Variants in RPH3A observed in about 807,000 individuals in gnomAD.
The protein encoded by RPH3A is rabphilin 3A, also known as rabphilin-3A.
Under a neutral mutation model 102.2 loss-of-function variants are expected in RPH3A, and 48 were observed. The observed-to-expected ratio is 0.47, with a 90% CI of 0.37 to 0.60. RPH3A has a LOEUF of 0.60. Among genes scored for constraint, RPH3A ranks in the 20% least tolerant of loss-of-function variants. The probability of loss-of-function intolerance (pLI) is 0.00; values close to 1 mark genes in which losing one functional copy is unlikely to be tolerated. For missense variants in RPH3A, 781 were observed against 910.1 expected, an observed-to-expected ratio of 0.86 and a Z score of 1.83; for synonymous variants, 310 against 324.3, an observed-to-expected ratio of 0.96 and a Z score of 0.47.
chr12:112,666,850 G>A (rs2040086258), intron 1 of RPH3A, among the ~76,000 whole-genome samples: 1 of 152,172 alleles, frequency 6.6e-6, no homozygotes, highest in African/African-American at 2.4e-5. Flanking sequence ...GTTACCATAT[G>A]TTCAAATGGG....
At chr12:112,846,453 C>T (rs2042229910) in intron 4 of RPH3A, among the ~76,000 whole-genome samples, 1 of 152,236 alleles carries the variant, frequency 6.6e-6, no homozygotes, top group Admixed American at 6.5e-5. Context: ...ATCTGCTTCC[C>T]TTTTCCTTCA....
At chr12:112,846,359 G>A (rs377524673) in intron 4 of RPH3A, among the ~76,000 whole-genome samples, 8 of 152,320 alleles carry the variant, frequency 5.3e-5, no homozygotes, top group Admixed American at 1.3e-4. Flanking sequence ...AAGGGCACGC[G>A]TGGGAAGGCA....
intron 1 of RPH3A, among the ~76,000 whole-genome samples, chr12:112,686,384 T>A (rs1400656277): frequency 6.6e-6 from 1 of 152,114 alleles, no homozygotes; most frequent in Non-Finnish European, 1.5e-5. Flanking sequence ...CTGAAGTCTA[T>A]TTATTCATTT....
At chr12:112,605,479 G>T (rs1436672434) in intron 1 of RPH3A, among the ~76,000 whole-genome samples, 1 of 152,164 alleles carries the variant, frequency 6.6e-6, no homozygotes, top group African/African-American at 2.4e-5. Context: ...ACTCAGAAGT[G>T]CAGTAACCTG....
At chr12:112,705,851 G>A (rs1404970282) in intron 1 of RPH3A, among the ~76,000 whole-genome samples, 1 of 152,118 alleles carries the variant, frequency 6.6e-6, no homozygotes, top group Admixed American at 6.5e-5. Flanking sequence ...AAAATTTAAA[G>A]AGGTGACTGT....
chr12:112,741,887 C>T (rs917846846), intron 1 of RPH3A, among the ~76,000 whole-genome samples: 57 of 152,098 alleles, frequency 3.7e-4, no homozygotes, highest in African/African-American at 1.3e-3. Context: ...GCGATTGTGC[C>T]TCTATAATCT....
intron 1 of RPH3A, among the ~76,000 whole-genome samples, chr12:112,747,673 A>G (rs1200345789): frequency 6.6e-6 from 1 of 152,220 alleles, no homozygotes; most frequent in Non-Finnish European, 1.5e-5. Flanking sequence ...CTGTGCCCCC[A>G]TAGCACCCTG....
chr12:112,640,273 C>T (rs539480407), intron 1 of RPH3A, among the ~76,000 whole-genome samples: 5 of 132,684 alleles, frequency 3.8e-5, no homozygotes, highest in African/African-American at 5.8e-5. Context: ...TGCAGTGAAC[C>T]GAGATAGCAC....
Position 112,667,462 on chromosome 12 carries a change from A to G in RPH3A, c.-140+92143A>G, listed in dbSNP as rs118045558. On this transcript the variant is annotated intron_variant, in intron 1 of 21. Transcript: ENST00000543106. Reference sequence around the variant, plus strand: ...TAATTGCTCAGGCAGAAAATGCAGGAGTAATTTGTGATTTTTTTTTCTATA... The same window carrying G: ...TAATTGCTCAGGCAGAAAATGCAGGGGTAATTTGTGATTTTTTTTTCTATA... 6.2e-4 allele frequency among the ~76,000 whole-genome samples: 95 copies of G among 152,232 alleles called. 1 individual carries two copies. Among genetic ancestry groups the G allele is most frequent in the Admixed American group, 2.9e-3 (44 of 15,278 alleles).
At chr12:112,827,360 A>G (rs1428824150) in intron 2 of RPH3A, among the ~76,000 whole-genome samples, 1 of 152,198 alleles carries the variant, frequency 6.6e-6, no homozygotes, top group Non-Finnish European at 1.5e-5. Flanking sequence ...TTCGAGGTTC[A>G]CCTATGTCAT....
chr12:112,829,992 C>T (rs1339186016), intron 3 of RPH3A, among the ~76,000 whole-genome samples: 2 of 152,170 alleles, frequency 1.3e-5, no homozygotes, highest in African/African-American at 4.8e-5. Context: ...AATGGGAATG[C>T]CTTTCTTATT....
At chr12:112,713,017 C>CTTCTTCTTCTTCT (rs1565857231) in intron 1 of RPH3A, among the ~76,000 whole-genome samples, 6 of 60,716 alleles carry the variant, frequency 9.9e-5, no homozygotes, top group African/African-American at 5.7e-4. Context: ...CTTCCTCTTC[C>CTTCTTCTTCTTCT]TCTTCCTCTT....
At chr12:112,615,429 C>A (rs1164977278) in intron 1 of RPH3A, among the ~76,000 whole-genome samples, 1 of 152,150 alleles carries the variant, frequency 6.6e-6, no homozygotes, top group Non-Finnish European at 1.5e-5. Context: ...CTGGCTCTGG[C>A]CACTAGAGAG....
intron 1 of RPH3A, among the ~76,000 whole-genome samples, chr12:112,674,326 G>A (rs769242142): frequency 6.6e-6 from 1 of 152,194 alleles, no homozygotes; most frequent in Non-Finnish European, 1.5e-5. Flanking sequence ...AGAGCGGCAA[G>A]AGGCTGCCTA....
At chr12:112,875,573 G>T (rs1031560902) in intron 11 of RPH3A, 106 bp from the exon 12 acceptor site, 2 of 933,714 alleles carry the variant, frequency 2.1e-6, no homozygotes, top group South Asian at 3.0e-5. Flanking sequence ...GTACCTTTCT[G>T]CCTTCGGGCC....
chr12:112,647,131 G>A (rs1004253403), intron 1 of RPH3A, among the ~76,000 whole-genome samples: 14 of 152,150 alleles, frequency 9.2e-5, no homozygotes, highest in Non-Finnish European at 1.5e-4. Context: ...CACATTTTAT[G>A]TTTAATGGAC....
At chr12:112,869,397 A>G in intron 8 of RPH3A, 1 of 204,442 alleles carries the variant, frequency 4.9e-6, no homozygotes, top group Non-Finnish European at 9.8e-6. Context: ...TGACAAGGCA[A>G]GAGCAATTTC....
intron 10 of RPH3A, among the ~76,000 whole-genome samples, chr12:112,870,320 A>AC (rs1179973250): frequency 6.6e-6 from 1 of 151,628 alleles, no homozygotes; most frequent in Admixed American, 6.6e-5. Context: ...CAAAAAAAAA[A>AC]AAAAAAAAAC....
At chr12:112,787,560 T>G (rs1276177423), upstream of RPH3A, among the ~76,000 whole-genome samples, 3 of 152,194 alleles carry the variant, frequency 2.0e-5, no homozygotes, top group South Asian at 4.1e-4. Flanking sequence ...TGGTAAATAG[T>G]AAGCACCTGC....
Sources: allele counts gnomAD v4.1 joint callset (sites outside exome capture counted in the v4.1 genomes callset), GRCh38; gene constraint gnomAD v4.1.1; transcripts MANE v1.5; gene names NCBI Gene and HGNC (gene_info 2026-07-23, HGNC 2026-07-21).